The following RNF220 variants were observed in gnomAD, a reference collection of about 807,000 sequenced individuals.
RNF220 encodes the protein ring finger protein 220, also known as E3 ubiquitin-protein ligase RNF220.
RNF220 carries 7 observed loss-of-function variants against 67.1 expected under a neutral mutation model. The ratio of observed to expected loss-of-function variants is 0.10; its 90% CI spans 0.06 to 0.20. The LOEUF (loss-of-function observed/expected upper bound fraction) is 0.20, where lower values mean the gene tolerates loss of function less well. Among genes scored for constraint, RNF220 ranks in the 10% least tolerant of loss-of-function variants. The pLI is 1.00. For synonymous variants in RNF220, 270 were observed against 283.2 expected, an observed-to-expected ratio of 0.95 and a Z score of 0.47; for missense variants, 565 against 740.3, an observed-to-expected ratio of 0.76 and a Z score of 2.75.
chr1:44,589,613 CAAAA>C (rs11437946), intron 2 of RNF220, among the ~76,000 whole-genome samples: 4 of 109,366 alleles, frequency 3.7e-5, no homozygotes, highest in African/African-American at 1.1e-4. Context: ...GACTGCATCT[CAAAA>C]AAAAAAAAAA....
intron 2 of RNF220, among the ~76,000 whole-genome samples, chr1:44,458,619 G>T (rs1653442317): frequency 6.6e-6 from 1 of 152,172 alleles, no homozygotes; most frequent in Non-Finnish European, 1.5e-5. Context: ...ATTTAAAAAA[G>T]AGATTTACCT....
chr1:44,638,193 A>G (rs1199152334), intron 8 of RNF220: 2 of 152,266 alleles, frequency 1.3e-5, no homozygotes, highest in Non-Finnish European at 2.9e-5. Context: ...TGGCCTCGCC[A>G]GGCGGGCTGG....
At chr1:44,474,230 C>T (rs1655075979) in intron 2 of RNF220, among the ~76,000 whole-genome samples, 2 of 151,966 alleles carry the variant, frequency 1.3e-5, no homozygotes, top group Non-Finnish European at 2.9e-5. Flanking sequence ...CAAAAATTAG[C>T]TGGGCCTAGT....
At chr1:44,447,358 G>A (rs937437293) in intron 2 of RNF220, among the ~76,000 whole-genome samples, 10 of 152,098 alleles carry the variant, frequency 6.6e-5, no homozygotes, top group African/African-American at 9.7e-5. Flanking sequence ...AAATAATTAC[G>A]TAAAACAGCC....
chr1:44,604,114 A>G (rs1018426279), intron 2 of RNF220, among the ~76,000 whole-genome samples: 6 of 152,228 alleles, frequency 3.9e-5, no homozygotes, highest in African/African-American at 1.4e-4. Context: ...TGTGCAGGCT[A>G]GGGAGAATAG....
At chr1:44,537,694 AT>A in intron 2 of RNF220, among the ~76,000 whole-genome samples, 1 of 152,254 alleles carries the variant, frequency 6.6e-6, no homozygotes, top group Non-Finnish European at 1.5e-5. Context: ...TCCCCAACCA[AT>A]GATCACAAGT....
At chr1:44,626,026 T>C (rs769482768) in intron 4 of RNF220, among the ~76,000 whole-genome samples, 12 of 152,040 alleles carry the variant, frequency 7.9e-5, no homozygotes, top group Non-Finnish European at 1.6e-4. Context: ...CTACTCGGAG[T>C]GGACTGGGAG....
chr1:44,608,603 T>C (rs1189477043), intron 2 of RNF220, among the ~76,000 whole-genome samples: 2 of 152,234 alleles, frequency 1.3e-5, no homozygotes, highest in Non-Finnish European at 2.9e-5. Flanking sequence ...ATAAAGTATG[T>C]GTAGTATTGA....
At chr1:44,560,531 C>A (rs1663486346) in intron 2 of RNF220, among the ~76,000 whole-genome samples, 1 of 152,074 alleles carries the variant, frequency 6.6e-6, no homozygotes, top group African/African-American at 2.4e-5. Flanking sequence ...CTCATTTAAT[C>A]CTCATTCATT....
intron 2 of RNF220, among the ~76,000 whole-genome samples, chr1:44,533,030 A>G (rs1660946296): frequency 6.6e-6 from 1 of 152,226 alleles, no homozygotes; most frequent in Non-Finnish European, 1.5e-5. Flanking sequence ...ACTAAAAGGA[A>G]GGAGGAAATA....
At position 44,645,668 on chromosome 1, in the gene RNF220, G is replaced by C. The variant is rs1644620098; in HGVS notation, c.1445+180G>C. On this transcript the variant is annotated intron_variant, in intron 12 of 14. Transcript: ENST00000361799. The surrounding 1 kb of genome is among the most constrained non-coding windows in gnomAD (Gnocchi z 5.0). ...GGTGCTAAGCGTGACTCTGTGAATTGATCACTGGGCCACGGCCCCAGAAGC... is the reference window on the plus strand; with the variant it reads ...GGTGCTAAGCGTGACTCTGTGAATTCATCACTGGGCCACGGCCCCAGAAGC... Among the ~76,000 whole-genome samples, 1 of 152,176 alleles carries C rather than the reference G, an allele frequency of 6.6e-6. No individual in the cohort carries two copies.
intron 2 of RNF220, among the ~76,000 whole-genome samples, chr1:44,438,511 G>C (rs1317814796): frequency 4.6e-5 from 7 of 152,184 alleles, no homozygotes; most frequent in Non-Finnish European, 7.4e-5. Context: ...ATTAATTCGA[G>C]TACTTATTGA....
chr1:44,542,005 G>T (rs1037189655), intron 2 of RNF220, among the ~76,000 whole-genome samples: 1 of 152,170 alleles, frequency 6.6e-6, no homozygotes, highest in Non-Finnish European at 1.5e-5. Flanking sequence ...CAGAGCCTGG[G>T]CTTGACCTAA....
At chr1:44,628,605 C>A (rs187191891) in intron 5 of RNF220, among the ~76,000 whole-genome samples, 7 of 152,226 alleles carry the variant, frequency 4.6e-5, no homozygotes, top group African/African-American at 1.4e-4. Flanking sequence ...GGCAGCGAGG[C>A]CTTCTGTGAT....
intron 2 of RNF220, among the ~76,000 whole-genome samples, chr1:44,548,684 G>C (rs1347827956): frequency 6.6e-6 from 1 of 152,024 alleles, no homozygotes; most frequent in African/African-American, 2.4e-5. Flanking sequence ...TAGAGACAGG[G>C]TCTTGCTGTG....
At chr1:44,631,241 A>C (rs946710959) in intron 5 of RNF220, among the ~76,000 whole-genome samples, 1 of 152,248 alleles carries the variant, frequency 6.6e-6, no homozygotes, top group African/African-American at 2.4e-5. Context: ...ACTCTTACAC[A>C]AGGCAAAGCT....
intron 2 of RNF220, among the ~76,000 whole-genome samples, chr1:44,442,558 A>G (rs1651676387): frequency 1.4e-5 from 2 of 138,764 alleles, no homozygotes; most frequent in Admixed American, 7.8e-5. Context: ...CCTGTTGCCG[A>G]GGCTGGAGTG....
intron 2 of RNF220, among the ~76,000 whole-genome samples, chr1:44,502,178 C>A (rs1212874897): frequency 6.6e-6 from 1 of 150,440 alleles, no homozygotes; most frequent in African/African-American, 2.4e-5. Flanking sequence ...CACACACACA[C>A]ACACCATACA....
intron 2 of RNF220, among the ~76,000 whole-genome samples, chr1:44,474,636 G>C (rs1655129469): frequency 6.7e-6 from 1 of 149,468 alleles, no homozygotes; most frequent in African/African-American, 2.5e-5. Flanking sequence ...TTAAGCCCAG[G>C]AGTTCCAGGC....
Sources: gnomAD v4.1 joint callset for allele counts (sites outside exome capture counted in the v4.1 genomes callset) on GRCh38, gnomAD v4.1.1 for gene constraint, Gnocchi (gnomAD v3.1) non-coding constraint, MANE v1.5 for transcripts, NCBI Gene and HGNC (gene_info 2026-07-23, HGNC 2026-07-21) for gene names.